The following MAN2A1 variants were observed in gnomAD, a reference collection of about 807,000 sequenced individuals.
The protein encoded by MAN2A1 is mannosidase alpha class 2A member 1.
MAN2A1 carries 76 observed loss-of-function variants against 142.6 expected under a neutral mutation model. The observed-to-expected ratio is 0.53, with a 90% CI of 0.44 to 0.65. The LOEUF (loss-of-function observed/expected upper bound fraction) is 0.65, where lower values mean the gene tolerates loss of function less well. Among genes scored for constraint, MAN2A1 ranks in the 30% least tolerant of loss-of-function variants. The probability of loss-of-function intolerance (pLI) is 0.00; values close to 1 mark genes in which losing one functional copy is unlikely to be tolerated. For missense variants in MAN2A1, 1,311 were observed against 1,365.1 expected (o/e 0.96, Z 0.62); for synonymous variants, 559 against 473.2 (o/e 1.18, Z -2.35).
chr5:109,731,635 A>G (rs1457221638), intron 4 of MAN2A1, among the ~76,000 whole-genome samples: 21 of 150,252 alleles, frequency 1.4e-4, no homozygotes, highest in Admixed American at 1.2e-3. Context: ...CCTTGCGATA[A>G]TTTGCTGAGA....
intron 1 of MAN2A1, among the ~76,000 whole-genome samples, chr5:109,711,307 G>T (rs75523886): frequency 0.018 from 2,800 of 152,250 alleles, 33 homozygotes; most frequent in Middle Eastern, 0.071. Context: ...TTCAGTATTG[G>T]AATTATTCAA....
At chr5:109,813,068 C>G (rs919928227) in intron 12 of MAN2A1, among the ~76,000 whole-genome samples, 1 of 152,036 alleles carries the variant, frequency 6.6e-6, no homozygotes, top group Non-Finnish European at 1.5e-5. Flanking sequence ...AAAATGTTTC[C>G]TCAAATATCG....
intron 20 of MAN2A1, among the ~76,000 whole-genome samples, chr5:109,861,450 G>C (rs1755757468): frequency 6.6e-6 from 1 of 152,164 alleles, no homozygotes. Flanking sequence ...TAATGGCAAA[G>C]CTACAATTAC....
chr5:109,697,959 G>A (rs1040921904), intron 1 of MAN2A1, among the ~76,000 whole-genome samples: 7 of 152,092 alleles, frequency 4.6e-5, no homozygotes, highest in Non-Finnish European at 7.4e-5. Context: ...CTAGAGCATC[G>A]ACATGCTTGA....
At chr5:109,811,374 C>T (rs112075116) in intron 12 of MAN2A1, among the ~76,000 whole-genome samples, 8 of 152,086 alleles carry the variant, frequency 5.3e-5, no homozygotes, top group African/African-American at 1.4e-4. Context: ...ATAAGACTTA[C>T]GAATGAATTT....
chr5:109,771,377 G>A (rs953166458), intron 7 of MAN2A1, among the ~76,000 whole-genome samples: 12 of 152,114 alleles, frequency 7.9e-5, no homozygotes, highest in African/African-American at 2.9e-4. Context: ...AAGTGTGTGA[G>A]GAAGAAGGTG....
chr5:109,787,247 G>A (rs1377206472), intron 10 of MAN2A1, among the ~76,000 whole-genome samples: 1 of 151,950 alleles, frequency 6.6e-6, no homozygotes. Context: ...GGGAGAAAAC[G>A]GAACACAGGG....
intron 1 of MAN2A1, among the ~76,000 whole-genome samples, chr5:109,704,598 C>T (rs1032606231): frequency 2.6e-5 from 4 of 152,018 alleles, no homozygotes; most frequent in African/African-American, 7.3e-5. Context: ...GTGGAGTGGG[C>T]GCTTGGAGGG....
At chr5:109,706,298 C>T (rs1353065173) in intron 1 of MAN2A1, among the ~76,000 whole-genome samples, 1 of 152,176 alleles carries the variant, frequency 6.6e-6, no homozygotes, top group African/African-American at 2.4e-5. Context: ...TTAATTATGA[C>T]ACATACTATC....
chr5:109,789,669 A>T (rs1201850809), intron 12 of MAN2A1, 142 bp downstream of exon 12: 1 of 591,662 alleles, frequency 1.7e-6, no homozygotes, highest in African/African-American at 1.9e-5. Flanking sequence ...ATTTTCTTTC[A>T]TGACTGTGTT....
At chr5:109,845,799 C>T in intron 17 of MAN2A1, 66 bp from the exon 18 acceptor site, 3 of 1,313,924 alleles carry the variant, frequency 2.3e-6, no homozygotes, top group South Asian at 1.6e-5. Context: ...AATCACCTGT[C>T]CTCAAGTTTT....
chr5:109,817,198 A>T, intron 12 of MAN2A1, 75 bp from the exon 13 acceptor site: 1 of 1,267,320 alleles, frequency 7.9e-7, no homozygotes, highest in South Asian at 1.3e-5. Context: ...ATGTATATGT[A>T]TATCTACATG....
intron 1 of MAN2A1, among the ~76,000 whole-genome samples, chr5:109,711,895 T>C (rs1196653328): frequency 1.0e-5 from 1 of 98,034 alleles, no homozygotes; most frequent in Non-Finnish European, 1.9e-5. Flanking sequence ...TAAAGGACTA[T>C]AGTTTTAATG....
intron 4 of MAN2A1, 127 bp from the exon 5 acceptor site, chr5:109,755,201 AT>A: frequency 2.9e-6 from 2 of 692,748 alleles, no homozygotes; most frequent in Non-Finnish European, 2.4e-6. Flanking sequence ...GTTTAAACAC[AT>A]TTTTTGACAA....
At chr5:109,748,659 A>G (rs938216145) in intron 4 of MAN2A1, among the ~76,000 whole-genome samples, 1 of 151,994 alleles carries the variant, frequency 6.6e-6, no homozygotes, top group Non-Finnish European at 1.5e-5. Flanking sequence ...AACAGCCCCT[A>G]ATGAACCTGT....
intron 4 of MAN2A1, among the ~76,000 whole-genome samples, chr5:109,739,112 G>T (rs1478149570): frequency 6.6e-6 from 1 of 152,176 alleles, no homozygotes; most frequent in African/African-American, 2.4e-5. Flanking sequence ...AAAGTGCTGG[G>T]ATTACAGGCA....
intron 20 of MAN2A1, chr5:109,863,248 A>G (rs1177944284): frequency 6.6e-6 from 1 of 152,242 alleles, no homozygotes; most frequent in Non-Finnish European, 1.5e-5. Context: ...TAGACATATA[A>G]TTTAGGAGTT....
chr5:109,700,309 A>C (rs1227751161), intron 1 of MAN2A1, among the ~76,000 whole-genome samples: 1 of 149,360 alleles, frequency 6.7e-6, no homozygotes. Flanking sequence ...GGTCGTTCAC[A>C]ATTACTGTTT....
intron 1 of MAN2A1, among the ~76,000 whole-genome samples, chr5:109,695,329 G>C (rs1282412007): frequency 2.6e-5 from 4 of 152,100 alleles, no homozygotes; most frequent in Non-Finnish European, 4.4e-5. Context: ...TATTGGAAGG[G>C]GATTTTCTCT....
Sources: gnomAD v4.1 joint callset for allele counts (sites outside exome capture counted in the v4.1 genomes callset) on GRCh38, gnomAD v4.1.1 for gene constraint, MANE v1.5 for transcripts, NCBI Gene and HGNC (gene_info 2026-07-23, HGNC 2026-07-21) for gene names.